SLX9: variants seen among roughly 807,000 people sequenced by gnomAD.
SLX9 encodes the protein SLX9 ribosome biogenesis factor.
A neutral mutation model predicts 20.8 loss-of-function variants in SLX9; 19 were observed. The observed-to-expected ratio is 0.91, with a 90% CI of 0.64 to 1.34. SLX9 has a LOEUF of 1.34. SLX9 is among the 40% of genes most tolerant of loss of function. The pLI is 0.00. For missense variants in SLX9, 299 were observed against 322.2 expected (o/e 0.93, Z 0.55); for synonymous variants, 113 against 137.1 (o/e 0.82, Z 1.23).
At chr21:44,941,466 TC>T (rs2084547107) in intron 1 of SLX9, among the ~76,000 whole-genome samples, 1 of 152,088 alleles carries the variant, frequency 6.6e-6, no homozygotes, top group South Asian at 2.1e-4. Context: ...TTTTTTTTTT[TC>T]TTCCTGTTTT....
Position 44,974,223 on chromosome 21 carries a change from G to T in SLX9, c.569+958G>T, listed in dbSNP as rs572859937. ...TGTGGTTTGAAATGGCTTTACTCAG[G>T]TGTTTATCAGTGGGAGCGTTTTGTG... On this transcript the variant is annotated intron_variant, in intron 5 of 5. Transcript: ENST00000291634. Among the ~76,000 whole-genome samples, 21 of 147,922 alleles carry T rather than the reference G, an allele frequency of 1.4e-4. No homozygotes were observed. In the South Asian group the frequency reaches 4.3e-3, roughly 30 times the overall value.
intron 1 of SLX9, among the ~76,000 whole-genome samples, chr21:44,941,141 A>G (rs1269557915): frequency 1.3e-5 from 2 of 152,138 alleles, no homozygotes; most frequent in Admixed American, 6.5e-5. Flanking sequence ...TGAGAATGTC[A>G]TTATACCTTC....
intron 2 of SLX9, among the ~76,000 whole-genome samples, chr21:44,949,499 C>G (rs2084713322): frequency 6.6e-6 from 1 of 152,126 alleles, no homozygotes; most frequent in African/African-American, 2.4e-5. Flanking sequence ...CTCCGCCTAC[C>G]CCCCAGAACC....
intron 1 of SLX9, among the ~76,000 whole-genome samples, chr21:44,943,194 G>T (rs936486722): frequency 1.3e-5 from 2 of 149,896 alleles, no homozygotes; most frequent in Admixed American, 1.3e-4. Flanking sequence ...AAATCTTCAT[G>T]CAGGGATGAG....
chr21:44,971,113 G>A (rs1003167801), intron 4 of SLX9, among the ~76,000 whole-genome samples: 2 of 151,890 alleles, frequency 1.3e-5, no homozygotes, highest in East Asian at 1.9e-4. Context: ...CAGTTGTCGG[G>A]AGGGGACCCC....
At position 44,967,038 on chromosome 21, in the gene SLX9, C is replaced by G. The variant is rs773402587; in HGVS notation, c.357C>G (p.Ile119Met). ...KLRREQWLQKIEAIKLAEQKH... is the reference protein window; with the variant it reads ...KLRREQWLQKMEAIKLAEQKH... ...ACGTCGTTTCTCCTTCCTTAGAAATCGAAGCCATAAAACTGGCTGAGCAGA... is the reference window on the plus strand; with the variant it reads ...ACGTCGTTTCTCCTTCCTTAGAAATGGAAGCCATAAAACTGGCTGAGCAGA... Residue 119 changes from isoleucine to methionine, a missense_variant, in exon 4 of 6, where the codon ATC becomes ATG. Physicochemically the swap from Ile to Met is conservative, Grantham distance 10 (BLOSUM62 1). Coordinates refer to ENST00000291634, the MANE Select transcript of SLX9 (RefSeq NM_058190.4). The G allele has an allele frequency of 1.2e-6, 2 of 1,609,570 alleles. No individual in the cohort carries two copies. The highest frequency in any genetic ancestry group is 2.2e-5 in the East Asian group (1 of 44,814).
chr21:44,942,927 C>A (rs1280932598), intron 1 of SLX9, among the ~76,000 whole-genome samples: 1 of 152,102 alleles, frequency 6.6e-6, no homozygotes, highest in African/African-American at 2.4e-5. Context: ...TATCTCCTTT[C>A]AGGAAAAACA....
intron 2 of SLX9, among the ~76,000 whole-genome samples, chr21:44,955,958 G>A (rs1162691455): frequency 1.3e-5 from 2 of 151,738 alleles, no homozygotes; most frequent in East Asian, 4.0e-4. Flanking sequence ...GTCGGCCTCC[G>A]CCTGCGGCCT....
chr21:44,952,514 C>T (rs1174466899), intron 2 of SLX9, among the ~76,000 whole-genome samples: 2 of 152,190 alleles, frequency 1.3e-5, no homozygotes, highest in African/African-American at 2.4e-5. Context: ...TCCTTCTCCC[C>T]TGCAGGTCTG....
chr21:44,962,310 C>T (rs760581679), intron 3 of SLX9, among the ~76,000 whole-genome samples: 1 of 152,080 alleles, frequency 6.6e-6, no homozygotes, highest in Admixed American at 6.5e-5. Context: ...CAGTCACGCA[C>T]CCCCCCAGTC....
At chr21:44,959,846 G>A (rs143429658) in intron 2 of SLX9, among the ~76,000 whole-genome samples, 89 of 152,302 alleles carry the variant, frequency 5.8e-4, no homozygotes, top group Admixed American at 3.6e-3. Context: ...CCTGCTTTCC[G>A]GGGCAGGCTG....
chr21:44,951,970 T>G (rs976043981), intron 2 of SLX9, among the ~76,000 whole-genome samples: 1 of 132,978 alleles, frequency 7.5e-6, no homozygotes, highest in East Asian at 1.9e-4. Context: ...CTCCACCTGG[T>G]CCCTGTCCTG....
chr21:44,960,130 A>G lies in SLX9; in HGVS notation c.314A>G (p.Lys105Arg), dbSNP rs765998295. ...GAEAKTVLPK[K>R]EKMKLRREQW... ...GAGGCCAAGACCGTTTTGCCCAAGA[A>G]GGAGAAAATGAAGCTGAGGCGTGAG... is the stretch of plus-strand genomic sequence containing the variant. Residue 105 changes from lysine to arginine, a missense_variant, in exon 3 of 6, where the codon AAG (lysine) becomes AGG (arginine). Physicochemically the swap from Lys to Arg is conservative, Grantham distance 26. Transcript: ENST00000291634. The G allele has an allele frequency of 8.7e-6, 14 of 1,614,136 alleles. No individual in the cohort carries two copies. In the African/African-American group the frequency reaches 1.1e-4, roughly 12 times the overall value.
intron 2 of SLX9, among the ~76,000 whole-genome samples, chr21:44,954,299 A>AG (rs1300481522): frequency 1.3e-5 from 2 of 152,106 alleles, no homozygotes; most frequent in African/African-American, 4.8e-5. Flanking sequence ...AGGGGAGCAG[A>AG]GGGGCCGAGC....
At chr21:44,959,708 C>T (rs528333800) in intron 2 of SLX9, among the ~76,000 whole-genome samples, 3 of 152,374 alleles carry the variant, frequency 2.0e-5, no homozygotes, top group South Asian at 4.1e-4. Context: ...GGATGTCCCC[C>T]TAAGGGCCTC....
At chr21:44,940,840 C>T (rs1463331664) in intron 1 of SLX9, among the ~76,000 whole-genome samples, 3 of 151,940 alleles carry the variant, frequency 2.0e-5, no homozygotes, top group African/African-American at 7.3e-5. Context: ...TTTTTTCTGC[C>T]CCTTTCTGTC....
chr21:44,942,728 T>C (rs971084760), intron 1 of SLX9, among the ~76,000 whole-genome samples: 1 of 152,098 alleles, frequency 6.6e-6, no homozygotes, highest in African/African-American at 2.4e-5. Flanking sequence ...TTGTGCTTCT[T>C]TGAGAGGGTG....
At chr21:44,951,401 CT>C (rs2084754470) in intron 2 of SLX9, among the ~76,000 whole-genome samples, 3 of 152,088 alleles carry the variant, frequency 2.0e-5, no homozygotes, top group Admixed American at 2.0e-4. Context: ...GGATGTGGCC[CT>C]TGCCGGTCCT....
chr21:44,956,006 C>G (rs538080632), intron 2 of SLX9, among the ~76,000 whole-genome samples: 4 of 152,348 alleles, frequency 2.6e-5, no homozygotes, highest in Admixed American at 6.5e-5. Context: ...TCTGCTGATG[C>G]GGACGCCAGC....
Sources: gnomAD v4.1 joint callset for allele counts (sites outside exome capture counted in the v4.1 genomes callset) on GRCh38, gnomAD v4.1.1 for gene constraint, MANE v1.5 for transcripts, NCBI Gene and HGNC (gene_info 2026-07-23, HGNC 2026-07-21) for gene names.